Variants in VAT1L observed in about 807,000 individuals in gnomAD.
VAT1L encodes the protein vesicle amine transport 1 like, also known as putative NADPH-dependent quinone oxidoreductase VAT1L.
In VAT1L, 34 loss-of-function variants were observed where a neutral mutation model predicts 44.1. That is an observed-to-expected ratio of 0.77 (90% CI 0.59 to 1.03). The LOEUF is 1.03. Ranked by LOEUF, VAT1L falls within the 50% of genes least tolerant of loss-of-function variation. The pLI is 0.00. For missense variants in VAT1L, 615 were observed against 538.8 expected, an observed-to-expected ratio of 1.14 and a Z score of -1.40; for synonymous variants, 253 against 202.2, an observed-to-expected ratio of 1.25 and a Z score of -2.13.
chr16:77,872,284 C>T (rs146895276), intron 4 of VAT1L, among the ~76,000 whole-genome samples: 1 of 152,270 alleles, frequency 6.6e-6, no homozygotes, highest in African/African-American at 2.4e-5. Flanking sequence ...GATAGCCATT[C>T]TTAGGGTCCT....
intron 5 of VAT1L, among the ~76,000 whole-genome samples, chr16:77,877,454 A>C (rs1449009218): frequency 7.2e-6 from 1 of 138,598 alleles, no homozygotes; most frequent in Admixed American, 7.9e-5. Context: ...CGGAGCTGGC[A>C]GTGAGCCGAG....
chr16:77,880,589 G>GTTTTTT (rs1374806566), intron 6 of VAT1L, among the ~76,000 whole-genome samples: 7 of 16,386 alleles, frequency 4.3e-4, no homozygotes, highest in South Asian at 3.4e-3. Context: ...ACGTTCCAGG[G>GTTTTTT]TATTTTTTTT....
intron 7 of VAT1L, among the ~76,000 whole-genome samples, chr16:77,902,860 C>G (rs2017398657): frequency 1.3e-5 from 2 of 151,130 alleles, no homozygotes; most frequent in Admixed American, 1.3e-4. Flanking sequence ...GTATTCCCAG[C>G]TACTTGGGAG....
intron 3 of VAT1L, among the ~76,000 whole-genome samples, chr16:77,832,249 T>C (rs1190056961): frequency 6.6e-6 from 1 of 152,110 alleles, no homozygotes; most frequent in Non-Finnish European, 1.5e-5. Flanking sequence ...TCGGTAAAAC[T>C]AAAGTTATTC....
rs554679847 is a variant in VAT1L, at chr16:77,922,821, C to G, written c.1077+38019C>G. On this transcript the variant is annotated intron_variant, in intron 7 of 8. Transcript: ENST00000302536. ...AGCCAGGATTTAAACCTAAGTTTGCCTGACTTTCCAACCCATGCCACTCTC... is the reference window on the plus strand; with the variant it reads ...AGCCAGGATTTAAACCTAAGTTTGCGTGACTTTCCAACCCATGCCACTCTC... Among the ~76,000 whole-genome samples the G allele has an allele frequency of 5.3e-5, 8 of 152,330 alleles. No individual in the cohort carries two copies. In the East Asian group the frequency reaches 7.7e-4, roughly 15 times the overall value.
intron 8 of VAT1L, among the ~76,000 whole-genome samples, chr16:77,977,256 G>A (rs951077161): frequency 1.3e-5 from 2 of 152,132 alleles, no homozygotes; most frequent in Non-Finnish European, 2.9e-5. Flanking sequence ...GGGTCTCTCA[G>A]AGGTCCCCAG....
At chr16:77,815,108 C>G (rs749259664) in intron 1 of VAT1L, among the ~76,000 whole-genome samples, 1 of 152,102 alleles carries the variant, frequency 6.6e-6, no homozygotes, top group Non-Finnish European at 1.5e-5. Context: ...GGGATTTGTA[C>G]CCCAGTCTCC....
intron 8 of VAT1L, 57 bp from the exon 9 acceptor site, chr16:77,977,540 C>A: frequency 6.4e-7 from 1 of 1,568,262 alleles, no homozygotes; most frequent in Non-Finnish European, 8.7e-7. Context: ...GTCAGATGCT[C>A]AGAGATGACG....
rs373619897 is a variant in VAT1L, at chr16:77,977,573, A to G, written c.1162-24A>G. 1.5e-4 allele frequency: 234 copies of G among 1,612,468 alleles called. 1 individual carries two copies. The African/African-American group carries it at 2.6e-3, about 18-fold the overall frequency. ...ACGAGGCTGGGTTGCACAACCCTCAATAACATCCTCTTTTGAATTACAGAT... is the reference window on the plus strand; with the variant it reads ...ACGAGGCTGGGTTGCACAACCCTCAGTAACATCCTCTTTTGAATTACAGAT... On this transcript the variant is annotated intron_variant, in intron 8 of 8. Transcript: ENST00000302536.
intron 7 of VAT1L, among the ~76,000 whole-genome samples, chr16:77,914,406 T>G (rs1418904661): frequency 6.6e-6 from 1 of 152,230 alleles, no homozygotes; most frequent in East Asian, 1.9e-4. Flanking sequence ...AGTTATGTCA[T>G]TTTGGTAATT....
At chr16:77,801,263 C>T (rs1463137429) in intron 1 of VAT1L, 1 of 152,170 alleles carries the variant, frequency 6.6e-6, no homozygotes, top group Admixed American at 6.5e-5. Flanking sequence ...TGCTAACCTT[C>T]ACGCAAGCTA....
intron 7 of VAT1L, among the ~76,000 whole-genome samples, chr16:77,907,754 C>G (rs146593439): frequency 8.7e-4 from 132 of 152,300 alleles, no homozygotes; most frequent in African/African-American, 3.1e-3. Flanking sequence ...TCCTCCTCCC[C>G]TATCCTGCAG....
intron 1 of VAT1L, among the ~76,000 whole-genome samples, chr16:77,809,944 G>A (rs564325711): frequency 3.9e-5 from 6 of 152,216 alleles, no homozygotes; most frequent in Non-Finnish European, 8.8e-5. Context: ...AGAAGCTCGT[G>A]TCATGATAAC....
intron 7 of VAT1L, among the ~76,000 whole-genome samples, chr16:77,946,113 T>G (rs2017959340): frequency 6.6e-6 from 1 of 151,800 alleles, no homozygotes; most frequent in African/African-American, 2.4e-5. Context: ...GCTTGCCGTT[T>G]TTTAGACATT....
intron 7 of VAT1L, among the ~76,000 whole-genome samples, chr16:77,934,048 GAGTAAGAATAGA>G (rs1030632648): frequency 3.8e-4 from 58 of 152,278 alleles, no homozygotes; most frequent in African/African-American, 1.3e-3. Flanking sequence ...CTAGAGGGAG[GAGTAAGAATAGA>G]AGTAAGAAGA....
chr16:77,936,372 GC>G (rs1344943273), intron 7 of VAT1L, among the ~76,000 whole-genome samples: 1 of 152,136 alleles, frequency 6.6e-6, no homozygotes, highest in East Asian at 1.9e-4. Context: ...AGTAAGGGGA[GC>G]CTCAGTCTCC....
chr16:77,931,399 C>T (rs1452747493), intron 7 of VAT1L, among the ~76,000 whole-genome samples: 1 of 152,084 alleles, frequency 6.6e-6, no homozygotes, highest in Admixed American at 6.6e-5. Flanking sequence ...AAGCAGCCTA[C>T]ATAGAAATAA....
intron 7 of VAT1L, among the ~76,000 whole-genome samples, chr16:77,960,660 G>A (rs1242720806): frequency 1.3e-5 from 2 of 152,094 alleles, no homozygotes; most frequent in East Asian, 1.9e-4. Context: ...GGGACAAGGA[G>A]CCCAGTAGAT....
At chr16:77,972,269 G>A (rs981888376) in intron 8 of VAT1L, among the ~76,000 whole-genome samples, 4 of 152,166 alleles carry the variant, frequency 2.6e-5, no homozygotes, top group Non-Finnish European at 5.9e-5. Context: ...GTTCCTAACA[G>A]AATGATGCCA....
Sources: allele counts gnomAD v4.1 joint callset (sites outside exome capture counted in the v4.1 genomes callset), GRCh38; gene constraint gnomAD v4.1.1; transcripts MANE v1.5; gene names NCBI Gene and HGNC (gene_info 2026-07-23, HGNC 2026-07-21).